C2CD3: variants seen among roughly 807,000 people sequenced by gnomAD.
The protein encoded by C2CD3 is C2 domain containing 3 centriole elongation regulator.
Under a neutral mutation model 234.0 loss-of-function variants are expected in C2CD3, and 148 were observed. The ratio of observed to expected loss-of-function variants is 0.63; its 90% confidence interval spans 0.55 to 0.72. The LOEUF is 0.72. C2CD3 is among the 30% of genes least tolerant of loss of function. C2CD3 has a pLI of 0.00. For missense variants in C2CD3, 2,577 were observed against 2,811.5 expected (o/e 0.92, Z 1.89); for synonymous variants, 1,000 against 1,035.4 (o/e 0.97, Z 0.66).
chr11:74,050,745 T>C (rs550732861), intron 26 of C2CD3, among the ~76,000 whole-genome samples: 4 of 146,926 alleles, frequency 2.7e-5, no homozygotes, highest in Non-Finnish European at 5.9e-5. Flanking sequence ...GACTGGAACC[T>C]AGCTAAACGG....
At chr11:74,014,718 G>T (rs1951816619) in intron 32 of C2CD3, among the ~76,000 whole-genome samples, 1 of 152,238 alleles carries the variant, frequency 6.6e-6, no homozygotes, top group Admixed American at 6.5e-5. Flanking sequence ...TCTGCCTAAA[G>T]AATTAGAATT....
At chr11:74,160,172 G>A (rs1211031895) in intron 3 of C2CD3, among the ~76,000 whole-genome samples, 2 of 152,110 alleles carry the variant, frequency 1.3e-5, no homozygotes, top group Non-Finnish European at 2.9e-5. Context: ...GTACACTGAC[G>A]TTCGCACAAG....
chr11:74,168,753 C>T lies in C2CD3; in HGVS notation c.56-140G>A, dbSNP rs375165695. ...TCACCACTTAGAAAGAAGGTTTATC[C>T]TACCCATTATTCTAATACATGAGAA... On this transcript the variant is annotated intron_variant, in intron 1 of 32. Transcript: ENST00000334126. The T allele has an allele frequency of 5.0e-3, 3,677 of 741,062 alleles. 144 individuals carry two copies. In the South Asian group the frequency reaches 0.064, roughly 13 times the overall value. The allele number at this position is 741,062 out of a possible 1,614,324, so 45.9% of individuals were successfully genotyped here. A position where few individuals can be genotyped will look rare whatever the true frequency, so the allele number is the denominator to read the frequency against.
At chr11:74,100,806 C>A in intron 14 of C2CD3, 130 bp from the exon 15 acceptor site, 1 of 712,862 alleles carries the variant, frequency 1.4e-6, no homozygotes, top group African/African-American at 1.8e-5. Context: ...TAAAGACATT[C>A]AAATAAAACT....
chr11:74,116,993 C>CACGTATATATACACATATAT lies in C2CD3; in HGVS notation c.1520+1234_1520+1235insATATATGTGTATATATACGT, dbSNP rs1213709828. 1.6e-4 allele frequency among the ~76,000 whole-genome samples: 18 copies of CACGTATATATACACATATAT among 109,958 alleles called. 1 individual carries two copies. Among genetic ancestry groups the CACGTATATATACACATATAT allele is most frequent in the African/African-American group, 6.1e-4 (17 of 27,920 alleles). The allele number at this position is 109,958 out of a possible 152,430, so 72.1% of individuals were successfully genotyped here. A position where few individuals can be genotyped will look rare whatever the true frequency, so the allele number is the denominator to read the frequency against. ...ATATACACGTATATATACACATATA[C>CACGTATATATACACATATAT]GTGTATATGTATATATACACATATA... On this transcript the variant is annotated intron_variant, in intron 9 of 32. Coordinates refer to ENST00000334126, the MANE Select transcript of C2CD3 (RefSeq NM_001286577.2).
At chr11:74,112,436 GA>G (rs926081107) in intron 11 of C2CD3, among the ~76,000 whole-genome samples, 45 of 148,716 alleles carry the variant, frequency 3.0e-4, no homozygotes, top group Admixed American at 3.3e-4. Flanking sequence ...AGCAACAAAA[GA>G]AAAAAAAACA....
chr11:74,122,997 A>T lies in C2CD3; in HGVS notation c.1356T>A (p.Tyr452Ter). The T allele has an allele frequency of 6.2e-7, 1 of 1,613,250 alleles. No homozygotes were observed. The highest frequency in any genetic ancestry group is 8.5e-7 in the Non-Finnish European group (1 of 1,179,346). Residue 452 changes from tyrosine to a stop codon, truncating the protein, a stop_gained, in exon 8 of 33, where the codon TAT (tyrosine) becomes TAA (stop). Transcript: ENST00000334126. LOFTEE classifies it high-confidence loss of function. ...YDQSLLENLF[Y>*]TAPKSDTSIS... ...AGGTTCAGTGACTTACAGGTGCTGT[A>T]TAAAATAAATTCTCCAGAAGACTCT...
intron 2 of C2CD3, among the ~76,000 whole-genome samples, chr11:74,167,667 T>C (rs1856896725): frequency 6.6e-6 from 1 of 152,236 alleles, no homozygotes; most frequent in Admixed American, 6.5e-5. Flanking sequence ...TGAACTGAAT[T>C]GACTTGATAA....
intron 29 of C2CD3, among the ~76,000 whole-genome samples, chr11:74,039,752 T>C (rs1248048118): frequency 6.6e-6 from 1 of 152,166 alleles, no homozygotes; most frequent in Non-Finnish European, 1.5e-5. Context: ...CTAAACAACC[T>C]ACAATGCGCA....
At position 74,042,208 on chromosome 11, in the gene C2CD3, T is replaced by C. The variant is rs139827923; in HGVS notation, c.5506A>G (p.Thr1836Ala). ...DFSSPGRSDT[T>A]RSQASRHEEH... ...TCATGGCGTGATGCTTGGCTTCTTG[T>C]GGTATCACTTCTGTCAAAAAAAAAA... Residue 1836 changes from threonine (T) to alanine (A), a missense_variant, in exon 29 of 33, where the codon ACA becomes GCA. Physicochemically the swap from Thr to Ala is moderately conservative, Grantham distance 58. Coordinates refer to ENST00000334126, the MANE Select transcript of C2CD3 (RefSeq NM_001286577.2). 315 of 1,594,476 alleles carry C rather than the reference T, an allele frequency of 2.0e-4. No homozygotes were observed. The highest frequency in any genetic ancestry group is 2.5e-4 in the Admixed American group (14 of 56,868).
intron 11 of C2CD3, among the ~76,000 whole-genome samples, chr11:74,110,895 T>G (rs913801655): frequency 1.3e-5 from 2 of 152,198 alleles, no homozygotes; most frequent in African/African-American, 4.8e-5. Context: ...GAAAGTGATT[T>G]TGCCTAAGGC....
chr11:74,060,673 A>T (rs1156875205), intron 24 of C2CD3, among the ~76,000 whole-genome samples: 1 of 152,246 alleles, frequency 6.6e-6, no homozygotes, highest in Non-Finnish European at 1.5e-5. Flanking sequence ...GGGAGAAACC[A>T]GAGCAGAAAA....
At chr11:74,134,740 G>A (rs2135538945) in intron 5 of C2CD3, among the ~76,000 whole-genome samples, 1 of 152,230 alleles carries the variant, frequency 6.6e-6, no homozygotes, top group Admixed American at 6.5e-5. Flanking sequence ...ATTTACATAT[G>A]TTTAGAGACA....
intron 3 of C2CD3, among the ~76,000 whole-genome samples, 165 bp downstream of exon 3, chr11:74,161,234 T>C (rs900964437): frequency 2.0e-5 from 3 of 152,078 alleles, no homozygotes; most frequent in African/African-American, 7.2e-5. Flanking sequence ...TTTGGATAAG[T>C]GGGAAACAAA....
At chr11:74,148,430 A>G (rs573491868) in intron 3 of C2CD3, among the ~76,000 whole-genome samples, 56 of 151,488 alleles carry the variant, frequency 3.7e-4, no homozygotes, top group Non-Finnish European at 7.4e-4. Context: ...CATATACCTT[A>G]TATGTGTGTA....
intron 22 of C2CD3, among the ~76,000 whole-genome samples, chr11:74,082,987 C>G (rs1095426): frequency 6.6e-6 from 1 of 152,150 alleles, no homozygotes; most frequent in African/African-American, 2.4e-5. Context: ...ATTGCCAAGA[C>G]AATCCTAAGC....
chr11:74,170,297 C>G (rs1857086800), intron 1 of C2CD3, among the ~76,000 whole-genome samples: 1 of 152,072 alleles, frequency 6.6e-6, no homozygotes, highest in Non-Finnish European at 1.5e-5. Flanking sequence ...TAACATTTAC[C>G]GAGTCCTGCT....
At chr11:74,123,824 T>A (rs1957309103) in intron 7 of C2CD3, among the ~76,000 whole-genome samples, 1 of 151,010 alleles carries the variant, frequency 6.6e-6, no homozygotes, top group Non-Finnish European at 1.5e-5. Context: ...CTGCAACCTC[T>A]GCCTCCTGGG....
chr11:74,052,108 A>G (rs1046598163), intron 26 of C2CD3, among the ~76,000 whole-genome samples: 18 of 152,310 alleles, frequency 1.2e-4, no homozygotes, highest in Middle Eastern at 6.8e-3. Context: ...GGCTAAGGGG[A>G]GAGAGACATC....
Sources: allele counts gnomAD v4.1 joint callset (sites outside exome capture counted in the v4.1 genomes callset), GRCh38; gene constraint gnomAD v4.1.1; transcripts MANE v1.5; gene names NCBI Gene and HGNC (gene_info 2026-07-23, HGNC 2026-07-21).